IL26: variants seen among roughly 807,000 people sequenced by gnomAD.
IL26 encodes the protein interleukin 26.
In IL26, 23 loss-of-function variants were observed where a neutral mutation model predicts 21.7. That is an observed-to-expected ratio of 1.06 (90% CI 0.76 to 1.50). IL26 has a LOEUF of 1.50. Ranked by LOEUF, IL26 falls within the 40% of genes most tolerant of loss-of-function variation. The pLI is 0.00. For missense variants in IL26, 204 were observed against 196.0 expected, an observed-to-expected ratio of 1.04 and a Z score of -0.24; for synonymous variants, 63 against 67.8, an observed-to-expected ratio of 0.93 and a Z score of 0.34.
chr12:68,225,618 T>C lies in IL26; in HGVS notation c.139A>G (p.Ile47Val). 6.2e-7 allele frequency: 1 copy of C among 1,614,064 alleles called. No homozygotes were observed. Among genetic ancestry groups the C allele is most frequent in the African/African-American group, 1.3e-5 (1 of 75,036 alleles). Residue 47 changes from isoleucine (I) to valine (V), a missense_variant, in exon 1 of 5, where the codon ATC (isoleucine) becomes GTC (valine). Coordinates refer to ENST00000229134, the MANE Select transcript of IL26 (RefSeq NM_018402.2). Reference sequence around the variant, plus strand: ...GTTGCTTTGAGCCATGCTGCTTTGATATAGAGAGCGTCAACAGCTTGGGAC... The same window carrying C: ...GTTGCTTTGAGCCATGCTGCTTTGACATAGAGAGCGTCAACAGCTTGGGAC... ...TLSQAVDALY[I>V]KAAWLKATIP...
At chr12:68,208,848 T>C (rs1049403368) in intron 3 of IL26, among the ~76,000 whole-genome samples, 1 of 152,192 alleles carries the variant, frequency 6.6e-6, no homozygotes, top group Admixed American at 6.5e-5. Flanking sequence ...CTGTCGATTT[T>C]CATTGAGTCC....
At chr12:68,216,666 T>G (rs1861489) in intron 3 of IL26, among the ~76,000 whole-genome samples, 1 of 152,154 alleles carries the variant, frequency 6.6e-6, no homozygotes, top group African/African-American at 2.4e-5. Flanking sequence ...ATGAATGGTA[T>G]TATTTTACAA....
At chr12:68,211,843 G>A (rs1868740562) in intron 3 of IL26, among the ~76,000 whole-genome samples, 2 of 151,952 alleles carry the variant, frequency 1.3e-5, no homozygotes, top group African/African-American at 2.4e-5. Context: ...TTACTTTGTC[G>A]ATTGTTTCCT....
At chr12:68,209,704 A>G (rs1465813117) in intron 3 of IL26, among the ~76,000 whole-genome samples, 1 of 152,078 alleles carries the variant, frequency 6.6e-6, no homozygotes. Context: ...TATATCAGAC[A>G]TGCAAGCCCC....
chr12:68,215,088 C>T (rs1592898680), intron 3 of IL26, among the ~76,000 whole-genome samples: 2 of 152,222 alleles, frequency 1.3e-5, no homozygotes, highest in East Asian at 1.9e-4. Flanking sequence ...CAGATGACAA[C>T]TTATATTTGA....
At chr12:68,225,342 C>T in intron 2 of IL26, 59 bp from the exon 3 acceptor site, 1 of 1,558,028 alleles carries the variant, frequency 6.4e-7, no homozygotes. Flanking sequence ...TTTAATGTCC[C>T]CCGATCATTA....
At chr12:68,203,057 C>A (rs1868431584) in intron 3 of IL26, among the ~76,000 whole-genome samples, 1 of 152,142 alleles carries the variant, frequency 6.6e-6, no homozygotes, top group Non-Finnish European at 1.5e-5. Flanking sequence ...AAGCACAGAA[C>A]AATGTTCAGT....
Position 68,225,215 on chromosome 12 carries a change from C to T in IL26, c.297G>A (p.Leu99=). ...FMEDVFGQLQ[L]QGCKKIRFVE... ...CAAAGCGTATTTTCTTGCAGCCTTGCAATTGCAGTTGACCAAAAACGTCTT... is the reference window on the plus strand; with the variant it reads ...CAAAGCGTATTTTCTTGCAGCCTTGTAATTGCAGTTGACCAAAAACGTCTT... The change falls in exon 3 of 5, where the codon TTG becomes TTA. Residue 99 remains leucine, a synonymous_variant. Coordinates refer to ENST00000229134, the MANE Select transcript of IL26 (RefSeq NM_018402.2). 6.2e-7 allele frequency: 1 copy of T among 1,613,858 alleles called. No individual in the cohort carries two copies. Among genetic ancestry groups the T allele is most frequent in the Non-Finnish European group, 8.5e-7 (1 of 1,179,918 alleles).
At chr12:68,202,355 G>A (rs763992042) in intron 3 of IL26, among the ~76,000 whole-genome samples, 4 of 152,158 alleles carry the variant, frequency 2.6e-5, no homozygotes, top group South Asian at 2.1e-4. Context: ...TATAGGAACC[G>A]CCTACCTTCA....
intron 3 of IL26, among the ~76,000 whole-genome samples, chr12:68,204,315 T>C (rs2120420066): frequency 6.6e-6 from 1 of 152,042 alleles, no homozygotes; most frequent in South Asian, 2.1e-4. Context: ...GGCTGATTTT[T>C]TGTATTTTTA....
intron 3 of IL26, among the ~76,000 whole-genome samples, chr12:68,216,839 GC>G (rs1222534272): frequency 6.6e-6 from 1 of 152,094 alleles, no homozygotes; most frequent in East Asian, 1.9e-4. Context: ...TACTGTTCAG[GC>G]TCTCAAAATG....
chr12:68,225,312 T>A (rs748941723), intron 2 of IL26, 29 bp from the exon 3 acceptor site: 2 of 1,592,480 alleles, frequency 1.3e-6, no homozygotes, highest in Admixed American at 1.8e-5. Flanking sequence ...AAATTGCATA[T>A]GGTAAATTAT....
intron 3 of IL26, among the ~76,000 whole-genome samples, chr12:68,213,258 G>A (rs191301316): frequency 7.3e-4 from 111 of 152,108 alleles, no homozygotes; most frequent in Middle Eastern, 3.4e-3. Flanking sequence ...TCTTTTCAAT[G>A]TGTTGTTGAA....
intron 3 of IL26, among the ~76,000 whole-genome samples, chr12:68,207,089 T>C (rs1868564574): frequency 6.6e-6 from 1 of 152,216 alleles, no homozygotes; most frequent in South Asian, 2.1e-4. Flanking sequence ...GCATTTTCAA[T>C]AGGAGATTTT....
Position 68,225,799 on chromosome 12 carries a change from A to G in IL26, c.-43T>C, listed in dbSNP as rs142293159. The G allele has an allele frequency of 1.9e-6, 3 of 1,599,638 alleles. No individual in the cohort carries two copies. The highest frequency in any genetic ancestry group is 1.7e-4 in the Middle Eastern group (1 of 5,984). Reference sequence around the variant, plus strand: ...AGCGTGTGTCACTCACAGCAGCCCAAGAGATACTAATGCCGGTTAGATGAG... The same window carrying G: ...AGCGTGTGTCACTCACAGCAGCCCAGGAGATACTAATGCCGGTTAGATGAG... On this transcript the variant is annotated 5_prime_UTR_variant, in exon 1 of 5. Coordinates refer to ENST00000229134, the MANE Select transcript of IL26 (RefSeq NM_018402.2).
chr12:68,204,512 T>A (rs1868479524), intron 3 of IL26, among the ~76,000 whole-genome samples: 1 of 152,104 alleles, frequency 6.6e-6, no homozygotes, highest in South Asian at 2.1e-4. Context: ...CTACCGAAGT[T>A]AAATAAAACA....
At chr12:68,207,982 T>C (rs892148428) in intron 3 of IL26, among the ~76,000 whole-genome samples, 2 of 152,134 alleles carry the variant, frequency 1.3e-5, no homozygotes, top group African/African-American at 4.8e-5. Flanking sequence ...CTCCAAAAAA[T>C]TGTCTAGTGT....
At chr12:68,219,801 A>G (rs546944486) in intron 3 of IL26, among the ~76,000 whole-genome samples, 47 of 152,144 alleles carry the variant, frequency 3.1e-4, no homozygotes, top group African/African-American at 1.1e-3. Context: ...AGAAATCAAT[A>G]AAATTGATGA....
intron 3 of IL26, among the ~76,000 whole-genome samples, chr12:68,214,029 C>G (rs1000648843): frequency 6.6e-6 from 1 of 152,008 alleles, no homozygotes; most frequent in African/African-American, 2.4e-5. Context: ...TTTGCTGTAT[C>G]CCATAGGTTT....
Sources: allele counts gnomAD v4.1 joint callset (sites outside exome capture counted in the v4.1 genomes callset), GRCh38; gene constraint gnomAD v4.1.1; transcripts MANE v1.5; gene names NCBI Gene and HGNC (gene_info 2026-07-23, HGNC 2026-07-21).